RPS6KC1: variants seen among roughly 807,000 people sequenced by gnomAD.
RPS6KC1 encodes inactive ribosomal protein S6 kinase delta-1.
Under a neutral mutation model 103.8 loss-of-function variants are expected in RPS6KC1, and 54 were observed. That is an observed-to-expected ratio of 0.52 (90% CI 0.42 to 0.65). The LOEUF (loss-of-function observed/expected upper bound fraction) is 0.65, where lower values mean the gene tolerates loss of function less well. Among genes scored for constraint, RPS6KC1 ranks in the 30% least tolerant of loss-of-function variants. The pLI is 0.00. For synonymous variants in RPS6KC1, 439 were observed against 438.7 expected, an observed-to-expected ratio of 1.00 and a Z score of -0.01; for missense variants, 1,151 against 1,253.8, an observed-to-expected ratio of 0.92 and a Z score of 1.24.
chr1:213,730,915 T>G, the RPS6KC1 span, among the ~76,000 whole-genome samples: 1,514 of 152,330 alleles, frequency 9.9e-3, 26 homozygotes, highest in African/African-American at 0.033. Context: ...GTTTTACATT[T>G]AAGTCTTTAA....
the RPS6KC1 span, among the ~76,000 whole-genome samples, chr1:213,741,890 G>T: frequency 1.8e-4 from 27 of 152,164 alleles, no homozygotes; most frequent in Admixed American, 1.6e-3. Flanking sequence ...GGAAGGAAGA[G>T]GAATAAATGA....
chr1:213,811,310 G>A, the RPS6KC1 span, among the ~76,000 whole-genome samples: 14 of 152,240 alleles, frequency 9.2e-5, no homozygotes, highest in Non-Finnish European at 8.8e-5. Flanking sequence ...GGCGGGGCTC[G>A]CAACCTCCGT....
At chr1:213,857,960 C>T in the RPS6KC1 span, among the ~76,000 whole-genome samples, 2 of 152,174 alleles carry the variant, frequency 1.3e-5, no homozygotes, top group Non-Finnish European at 2.9e-5. Context: ...GCCAAAGGCT[C>T]ACGTCATGTC....
the RPS6KC1 span, among the ~76,000 whole-genome samples, chr1:213,541,477 C>T: frequency 1.1e-3 from 164 of 151,920 alleles, no homozygotes; most frequent in Middle Eastern, 3.4e-3. Flanking sequence ...TTAAAACAAA[C>T]GCAAACAAAC....
intron 1 of RPS6KC1, among the ~76,000 whole-genome samples, chr1:213,059,997 T>A (rs1240130399): frequency 1.3e-5 from 2 of 152,150 alleles, no homozygotes; most frequent in Admixed American, 1.3e-4. Flanking sequence ...TTTGTATTTT[T>A]AGTTGAGACG....
At chr1:213,346,816 G>A in the RPS6KC1 span, among the ~76,000 whole-genome samples, 4 of 152,076 alleles carry the variant, frequency 2.6e-5, no homozygotes, top group South Asian at 2.1e-4. Flanking sequence ...GCCTTGTCCC[G>A]TAAGTTTAGC....
At chr1:213,558,740 T>C in the RPS6KC1 span, among the ~76,000 whole-genome samples, 1 of 152,238 alleles carries the variant, frequency 6.6e-6, no homozygotes, top group Non-Finnish European at 1.5e-5. Context: ...CTGTAACCTA[T>C]TGTTGTGCCA....
At chr1:213,402,525 A>G in the RPS6KC1 span, among the ~76,000 whole-genome samples, 1 of 152,184 alleles carries the variant, frequency 6.6e-6, no homozygotes, top group Non-Finnish European at 1.5e-5. Flanking sequence ...CTCTGGGAAT[A>G]ATGAGGAGAA....
chr1:213,272,726 A>T lies in RPS6KC1; in HGVS notation c.*92A>T. On this transcript the variant is annotated 3_prime_UTR_variant, in exon 15 of 15. Transcript: ENST00000366960. ...ACCTCTGACTCACAGTTACTTATGG[A>T]GCACCAAAGCATTTGGATAAAGACC... 1.2e-6 allele frequency: 1 copy of T among 863,146 alleles called. No homozygotes were observed. The allele number at this position is 863,146 out of a possible 1,614,324, so 53.5% of individuals were successfully genotyped here.
chr1:213,701,325 C>T, the RPS6KC1 span, among the ~76,000 whole-genome samples: 1 of 151,840 alleles, frequency 6.6e-6, no homozygotes, highest in Admixed American at 6.6e-5. Flanking sequence ...TGGTTTCTGT[C>T]CTTCATTCTG....
At chr1:213,581,784 A>G in the RPS6KC1 span, among the ~76,000 whole-genome samples, 1 of 152,078 alleles carries the variant, frequency 6.6e-6, no homozygotes, top group East Asian at 1.9e-4. Context: ...AACTCTCATC[A>G]TCAAGTTTTT....
At chr1:213,497,853 T>G in the RPS6KC1 span, among the ~76,000 whole-genome samples, 2 of 152,008 alleles carry the variant, frequency 1.3e-5, no homozygotes, top group Non-Finnish European at 2.9e-5. Flanking sequence ...AATGTAGGAA[T>G]CAGGATGAGA....
intron 8 of RPS6KC1, among the ~76,000 whole-genome samples, chr1:213,228,882 T>G (rs189478655): frequency 1.2e-3 from 180 of 151,914 alleles, no homozygotes; most frequent in African/African-American, 3.2e-3. Flanking sequence ...GCTTAGGAGG[T>G]AGAATTGATT....
chr1:213,445,022 T>C, the RPS6KC1 span, among the ~76,000 whole-genome samples: 2 of 152,152 alleles, frequency 1.3e-5, no homozygotes, highest in South Asian at 2.1e-4. Flanking sequence ...CCTATCTTCT[T>C]TTCCTGCAGC....
At chr1:213,470,048 A>G in the RPS6KC1 span, among the ~76,000 whole-genome samples, 26 of 152,348 alleles carry the variant, frequency 1.7e-4, no homozygotes, top group Admixed American at 1.2e-3. Flanking sequence ...GCAAAACAAA[A>G]GCAAAGCCCA....
the RPS6KC1 span, among the ~76,000 whole-genome samples, chr1:213,730,979 A>G: frequency 1.3e-5 from 2 of 152,174 alleles, no homozygotes; most frequent in Non-Finnish European, 2.9e-5. Flanking sequence ...CAATTTCAAT[A>G]TTCTGCACAT....
chr1:213,753,401 C>T, the RPS6KC1 span, among the ~76,000 whole-genome samples: 1 of 152,136 alleles, frequency 6.6e-6, no homozygotes, highest in Non-Finnish European at 1.5e-5. Flanking sequence ...TGTGATCACT[C>T]GGTCCAAGAA....
intron 1 of RPS6KC1, among the ~76,000 whole-genome samples, chr1:213,066,746 C>G (rs1558249010): frequency 6.6e-6 from 1 of 152,236 alleles, no homozygotes; most frequent in East Asian, 1.9e-4. Flanking sequence ...TATGGGAAAA[C>G]AGGAACTACA....
chr1:213,550,534 C>T, the RPS6KC1 span, among the ~76,000 whole-genome samples: 1 of 152,192 alleles, frequency 6.6e-6, no homozygotes, highest in Non-Finnish European at 1.5e-5. Flanking sequence ...CGGCTCTCCA[C>T]ACCCAAGGCT....
Sources: allele counts gnomAD v4.1 joint callset (sites outside exome capture counted in the v4.1 genomes callset), GRCh38; gene constraint gnomAD v4.1.1; transcripts MANE v1.5; gene names NCBI Gene and HGNC (gene_info 2026-07-23, HGNC 2026-07-21).